SEC14L1: variants seen among roughly 807,000 people sequenced by gnomAD.
The protein encoded by SEC14L1 is SEC14-like protein 1.
Under a neutral mutation model 85.3 loss-of-function variants are expected in SEC14L1, and 48 were observed. The ratio of observed to expected loss-of-function variants is 0.56; its 90% CI spans 0.45 to 0.72. The LOEUF is 0.72. Ranked by LOEUF, SEC14L1 falls within the 30% of genes least tolerant of loss-of-function variation. The pLI is 0.00. For synonymous variants in SEC14L1, 391 were observed against 355.5 expected, an observed-to-expected ratio of 1.10 and a Z score of -1.12; for missense variants, 682 against 921.4, an observed-to-expected ratio of 0.74 and a Z score of 3.36.
chr17:77,096,274 A>C (rs180785014), intron 3 of SEC14L1, among the ~76,000 whole-genome samples: 121 of 151,728 alleles, frequency 8.0e-4, no homozygotes, highest in South Asian at 5.2e-3. Flanking sequence ...AAAAATCACT[A>C]TGAGGCTGGG....
intron 3 of SEC14L1, among the ~76,000 whole-genome samples, chr17:77,144,449 C>CTT (rs1252510340): frequency 6.6e-6 from 1 of 152,164 alleles, no homozygotes; most frequent in East Asian, 1.9e-4. Flanking sequence ...ACACAGAGGA[C>CTT]TGTTACCTGT....
rs1175939307 is a variant in SEC14L1, at chr17:77,215,427, A to T, written c.*1404A>T. On this transcript the variant is annotated 3_prime_UTR_variant, in exon 17 of 17. Coordinates refer to ENST00000436233, the MANE Select transcript of SEC14L1 (RefSeq NM_001143998.2). ...GCTGTCAACTGTGTGCGTGGTAGGC[A>T]TGGAGATCCTGGTTGTGCCGTCTCA... 2.7e-5 allele frequency: 27 copies of T among 985,396 alleles called. No homozygotes were observed. Among genetic ancestry groups the T allele is most frequent in the Non-Finnish European group, 3.3e-5 (27 of 830,016 alleles). 61.0% of individuals were successfully genotyped at this position (985,396 alleles called of 1,614,324 possible).
At chr17:77,209,085 C>T (rs977796296) in intron 13 of SEC14L1, among the ~76,000 whole-genome samples, 18 of 152,194 alleles carry the variant, frequency 1.2e-4, no homozygotes, top group African/African-American at 3.9e-4. Flanking sequence ...CAGTGCCTCA[C>T]GCATTTTAGT....
At chr17:77,128,846 A>G (rs777157168) in intron 3 of SEC14L1, among the ~76,000 whole-genome samples, 12 of 152,058 alleles carry the variant, frequency 7.9e-5, no homozygotes, top group Admixed American at 5.2e-4. Context: ...CCATCTCCCC[A>G]TGCACCCCTA....
chr17:77,162,452 A>G (rs756151283), intron 3 of SEC14L1, among the ~76,000 whole-genome samples: 7 of 152,300 alleles, frequency 4.6e-5, no homozygotes, highest in Non-Finnish European at 1.0e-4. Context: ...AGTGTCTTCA[A>G]TTTCTTCTGG....
intron 3 of SEC14L1, among the ~76,000 whole-genome samples, chr17:77,118,910 G>A (rs1972237027): frequency 6.6e-6 from 1 of 152,158 alleles, no homozygotes; most frequent in South Asian, 2.1e-4. Context: ...ACCTTCAGCG[G>A]GATGAAGGAA....
chr17:77,128,846 AT>A (rs1373953786), intron 3 of SEC14L1, among the ~76,000 whole-genome samples: 1 of 152,058 alleles, frequency 6.6e-6, no homozygotes, highest in Non-Finnish European at 1.5e-5. Context: ...CCATCTCCCC[AT>A]GCACCCCTAG....
Position 77,214,204 on chromosome 17 carries a change from T to C in SEC14L1, c.*181T>C, listed in dbSNP as rs1976924275. On this transcript the variant is annotated 3_prime_UTR_variant, in exon 17 of 17. Coordinates refer to ENST00000436233, the MANE Select transcript of SEC14L1 (RefSeq NM_001143998.2). ...AACTACCTTGGCAGGTAGTTTTAAC[T>C]CTGATCCTAACTTAACTCAATAGCC... 1 of 1,405,112 alleles carries C rather than the reference T, an allele frequency of 7.1e-7. No homozygotes were observed. The highest frequency in any genetic ancestry group is 1.4e-5 in the African/African-American group (1 of 69,186). The allele number at this position is 1,405,112 out of a possible 1,614,324, so 87.0% of individuals were successfully genotyped here. A position where few individuals can be genotyped will look rare whatever the true frequency, so the allele number is the denominator to read the frequency against.
Position 77,156,153 on chromosome 17 carries a change from G to A in SEC14L1, c.63+12494G>A, listed in dbSNP as rs372282530. On this transcript the variant is annotated intron_variant, in intron 3 of 16. Coordinates refer to ENST00000436233, the MANE Select transcript of SEC14L1 (RefSeq NM_001143998.2). ...CTGCATGCAGTTGCTCCTGGTGGAG[G>A]TTCCTCTCTGTGCACTGGCAGCCGC... Among the ~76,000 whole-genome samples the A allele has an allele frequency of 5.9e-5, 9 of 152,218 alleles. No homozygotes were observed. The South Asian group carries it at 1.0e-3, about 18-fold the overall frequency.
intron 3 of SEC14L1, among the ~76,000 whole-genome samples, chr17:77,179,158 G>A (rs1046154319): frequency 3.3e-5 from 5 of 152,156 alleles, no homozygotes; most frequent in African/African-American, 1.2e-4. Context: ...CAGCCCTCCC[G>A]GTGTTGGCCC....
At position 77,193,385 on chromosome 17, in the gene SEC14L1, A is replaced by G. The variant is rs146649239; in HGVS notation, c.346-36A>G. The G allele has an allele frequency of 1.2e-3, 1,812 of 1,558,690 alleles. 8 individuals are homozygous for G. The highest frequency in any genetic ancestry group is 3.9e-3 in the South Asian group (321 of 82,546). On this transcript the variant is annotated intron_variant, in intron 5 of 16. Transcript: ENST00000436233. ...GCAGGCAGATGATATTCTGTTGTCA[A>G]TTCAGTCAGTGAGAGTGCTTTCTCT...
At chr17:77,126,303 A>G (rs1212158365) in intron 3 of SEC14L1, among the ~76,000 whole-genome samples, 1 of 152,248 alleles carries the variant, frequency 6.6e-6, no homozygotes, top group African/African-American at 2.4e-5. Flanking sequence ...GATCATCGTG[A>G]TGCTTGTGAA....
chr17:77,207,119 G>T (rs1485899167), intron 13 of SEC14L1, among the ~76,000 whole-genome samples: 1 of 152,170 alleles, frequency 6.6e-6, no homozygotes, highest in Non-Finnish European at 1.5e-5. Flanking sequence ...AGCTTGCTTT[G>T]ATTCACACGG....
At chr17:77,195,249 GC>G (rs1371359636) in intron 7 of SEC14L1, among the ~76,000 whole-genome samples, 3 of 151,842 alleles carry the variant, frequency 2.0e-5, no homozygotes, top group African/African-American at 7.3e-5. Context: ...TTCTGCCTCG[GC>G]CTCCCAAAGT....
chr17:77,108,084 GC>G (rs1188397906), intron 3 of SEC14L1, among the ~76,000 whole-genome samples: 1 of 150,504 alleles, frequency 6.6e-6, no homozygotes, highest in South Asian at 2.1e-4. Flanking sequence ...CCTGTTCCAT[GC>G]CCCCCCATAC....
intron 15 of SEC14L1, 73 bp downstream of exon 15, chr17:77,212,274 CTT>C (rs1021876209): frequency 2.0e-5 from 31 of 1,564,120 alleles, no homozygotes; most frequent in African/African-American, 4.1e-5. Flanking sequence ...TGAGTAGACT[CTT>C]TGCTTCGCTC....
intron 2 of SEC14L1, among the ~76,000 whole-genome samples, chr17:77,092,339 A>G (rs1763292879): frequency 6.6e-6 from 1 of 152,136 alleles, no homozygotes; most frequent in Admixed American, 6.6e-5. Flanking sequence ...TAGCGATGTC[A>G]GTAGGCACTA....
chr17:77,157,843 G>A (rs74786814), intron 3 of SEC14L1, among the ~76,000 whole-genome samples: 2,810 of 151,472 alleles, frequency 0.019, 38 homozygotes, highest in Non-Finnish European at 0.028. Context: ...TTATTTAAAA[G>A]TTTTTCAAAC....
intron 10 of SEC14L1, among the ~76,000 whole-genome samples, chr17:77,204,525 T>A (rs955023988): frequency 1.3e-4 from 17 of 134,550 alleles, no homozygotes; most frequent in African/African-American, 5.2e-4. Flanking sequence ...CAGCCAGCTT[T>A]TTTTTTTTTT....
Sources: allele counts gnomAD v4.1 joint callset (sites outside exome capture counted in the v4.1 genomes callset), GRCh38; gene constraint gnomAD v4.1.1; transcripts MANE v1.5; gene names NCBI Gene and HGNC (gene_info 2026-07-23, HGNC 2026-07-21).